BNC1: variants seen among roughly 807,000 people sequenced by gnomAD.
BNC1 encodes the protein zinc finger protein basonuclin-1.
In BNC1, 8 loss-of-function variants were observed where a neutral mutation model predicts 66.5. The observed-to-expected ratio is 0.12, with a 90% CI of 0.07 to 0.22. The LOEUF is 0.22. BNC1 is among the 10% of genes least tolerant of loss of function. The probability of loss-of-function intolerance (pLI) is 1.00; values close to 1 mark genes in which losing one functional copy is unlikely to be tolerated. For missense variants in BNC1, 1,069 were observed against 1,241.3 expected, an observed-to-expected ratio of 0.86 and a Z score of 2.09; for synonymous variants, 454 against 452.6, an observed-to-expected ratio of 1.00 and a Z score of -0.04.
chr15:83,274,059 C>T (rs1353159526), intron 1 of BNC1, among the ~76,000 whole-genome samples: 1 of 152,104 alleles, frequency 6.6e-6, no homozygotes, highest in Non-Finnish European at 1.5e-5. Context: ...ACAGCACTGG[C>T]CCTTTGAAGG....
rs907638031 is a variant in BNC1 at position 83,256,051 on chromosome 15, C to T, written c.*1391G>A. ...TAGAAACAAGTTTTAAGTTGTCACACTTATTAAAACAAAAAAAGCTGAAAT... is the reference window on the plus strand; with the variant it reads ...TAGAAACAAGTTTTAAGTTGTCACATTTATTAAAACAAAAAAAGCTGAAAT... On this transcript the variant is annotated 3_prime_UTR_variant, in exon 5 of 5. Transcript: ENST00000345382. 1 of 152,558 alleles carries T rather than the reference C, an allele frequency of 6.6e-6. No homozygotes were observed. Among genetic ancestry groups the T allele is most frequent in the Non-Finnish European group, 1.5e-5 (1 of 68,018 alleles). 9.5% of individuals were successfully genotyped at this position (152,558 alleles called of 1,614,324 possible). A position where few individuals can be genotyped will look rare whatever the true frequency, so the allele number is the denominator to read the frequency against.
chr15:83,259,812 G>A (rs1183678951), intron 4 of BNC1, among the ~76,000 whole-genome samples: 2 of 152,098 alleles, frequency 1.3e-5, no homozygotes, highest in African/African-American at 4.8e-5. Context: ...GCCTTAGAGG[G>A]TTAGATACAT....
At chr15:83,266,114 A>C (rs906071486) in intron 3 of BNC1, among the ~76,000 whole-genome samples, 27 of 152,166 alleles carry the variant, frequency 1.8e-4, no homozygotes, top group Non-Finnish European at 4.4e-5. Context: ...TTGGAAATGA[A>C]ACATGAAGCC....
chr15:83,278,732 T>C (rs751223790), intron 1 of BNC1, among the ~76,000 whole-genome samples: 53 of 152,204 alleles, frequency 3.5e-4, no homozygotes, highest in Non-Finnish European at 3.1e-4. Flanking sequence ...CATTTGTCTC[T>C]GGACTGAAGG....
rs761317286 is a variant in BNC1 at position 83,258,013 on chromosome 15, T to C, written c.2414A>G (p.Tyr805Cys). ...YLLKDVAKEA[Y>C]QDVAFTQQAS... Reference sequence around the variant, plus strand: ...TTGCTGTGTAAAAGCCACATCCTGATAGGCTTCCTTAGCCACATCTTTCAG... The same window carrying C: ...TTGCTGTGTAAAAGCCACATCCTGACAGGCTTCCTTAGCCACATCTTTCAG... Residue 805 changes from tyrosine (Y) to cysteine (C), a missense_variant, in exon 5 of 5, where the codon TAT becomes TGT. Transcript: ENST00000345382. 5.0e-6 allele frequency: 8 copies of C among 1,614,120 alleles called. No individual in the cohort carries two copies. In the South Asian group the frequency reaches 8.8e-5, roughly 18 times the overall value.
At chr15:83,262,050 T>G (rs906807077) in intron 4 of BNC1, among the ~76,000 whole-genome samples, 9 of 147,582 alleles carry the variant, frequency 6.1e-5, no homozygotes, top group Non-Finnish European at 1.0e-4. Flanking sequence ...TTCATGTTTT[T>G]TTTTTTTTTT....
chr15:83,272,106 G>A (rs2038275369), intron 1 of BNC1, among the ~76,000 whole-genome samples: 1 of 152,160 alleles, frequency 6.6e-6, no homozygotes, highest in Non-Finnish European at 1.5e-5. Flanking sequence ...AGTACACTCA[G>A]TACTAAACCT....
Position 83,263,337 on chromosome 15 carries a change from C to A in BNC1, c.1914G>T (p.Gln638His). Residue 638 changes from glutamine (Q) to histidine (H), a missense_variant, in exon 4 of 5, where the codon CAG (glutamine) becomes CAT (histidine). Coordinates refer to ENST00000345382, the MANE Select transcript of BNC1 (RefSeq NM_001717.4). The stretch of plus-strand genomic sequence containing the variant: ...TTGGCACCATGATCAATGCTGGTGT[C>A]TGCTCAGTCTCCCTCTCTGAATTGT... ...ATHNSERETE[Q>H]TPALIMVPRE... The A allele has an allele frequency of 1.1e-5, 18 of 1,614,244 alleles. No individual in the cohort carries two copies. Among genetic ancestry groups the A allele is most frequent in the Non-Finnish European group, 1.4e-5 (17 of 1,180,038 alleles).
chr15:83,266,674 C>G (rs900445882), intron 3 of BNC1, among the ~76,000 whole-genome samples, 162 bp downstream of exon 3: 1 of 151,918 alleles, frequency 6.6e-6, no homozygotes, highest in Admixed American at 6.6e-5. Flanking sequence ...TTGGACTCCC[C>G]CCAAGAACAT....
chr15:83,269,166 G>T (rs1419482352), intron 1 of BNC1, among the ~76,000 whole-genome samples: 1 of 152,226 alleles, frequency 6.6e-6, no homozygotes, highest in Non-Finnish European at 1.5e-5. Context: ...TGAGGTTGCA[G>T]TGAGCCAAGA....
At chr15:83,273,606 C>T (rs1440720965) in intron 1 of BNC1, among the ~76,000 whole-genome samples, 2 of 152,192 alleles carry the variant, frequency 1.3e-5, no homozygotes, top group East Asian at 1.9e-4. Context: ...TTTGCTTTTT[C>T]GTAACTATCG....
At chr15:83,270,231 T>G (rs576187012) in intron 1 of BNC1, among the ~76,000 whole-genome samples, 1 of 152,348 alleles carries the variant, frequency 6.6e-6, no homozygotes, top group Admixed American at 6.5e-5. Context: ...TCAATGATTT[T>G]TAGCATATTC....
chr15:83,261,817 T>C (rs2038144558), intron 4 of BNC1, among the ~76,000 whole-genome samples: 1 of 152,240 alleles, frequency 6.6e-6, no homozygotes, highest in Non-Finnish European at 1.5e-5. Context: ...TATTCTTTTA[T>C]AACTTAATAT....
At chr15:83,278,570 G>C (rs965207903) in intron 1 of BNC1, among the ~76,000 whole-genome samples, 1 of 152,022 alleles carries the variant, frequency 6.6e-6, no homozygotes, top group Admixed American at 6.5e-5. Flanking sequence ...GGTAAACAAA[G>C]GAAAAAAATC....
intron 4 of BNC1, among the ~76,000 whole-genome samples, chr15:83,259,173 T>C (rs887853346): frequency 2.0e-5 from 3 of 152,222 alleles, no homozygotes; most frequent in African/African-American, 7.2e-5. Context: ...TAGTCATATG[T>C]TATCATTTGG....
At chr15:83,260,800 T>C (rs1241296557) in intron 4 of BNC1, among the ~76,000 whole-genome samples, 2 of 152,238 alleles carry the variant, frequency 1.3e-5, no homozygotes, top group Non-Finnish European at 2.9e-5. Flanking sequence ...TAAATGTCCC[T>C]ACAGGAATGT....
At chr15:83,265,337 G>C (rs867490759) in intron 3 of BNC1, among the ~76,000 whole-genome samples, 1 of 152,122 alleles carries the variant, frequency 6.6e-6, no homozygotes, top group Non-Finnish European at 1.5e-5. Flanking sequence ...CACAAAGCAG[G>C]GCTGTAATTA....
At chr15:83,276,657 C>A in intron 1 of BNC1, among the ~76,000 whole-genome samples, 1 of 152,192 alleles carries the variant, frequency 6.6e-6, no homozygotes, top group East Asian at 1.9e-4. Context: ...ACTGTAAGAC[C>A]TGTCTGCCTT....
intron 3 of BNC1, 57 bp downstream of exon 3, chr15:83,266,779 A>T (rs2038222195): frequency 6.6e-7 from 1 of 1,506,166 alleles, no homozygotes; most frequent in Non-Finnish European, 9.2e-7. Context: ...TACGTCAGTT[A>T]TATGGGCACA....
Sources: allele counts gnomAD v4.1 joint callset (sites outside exome capture counted in the v4.1 genomes callset), GRCh38; gene constraint gnomAD v4.1.1; transcripts MANE v1.5; gene names NCBI Gene and HGNC (gene_info 2026-07-23, HGNC 2026-07-21).